Variants in CACNA1B observed in about 807,000 individuals in gnomAD.
CACNA1B encodes voltage-dependent N-type calcium channel subunit alpha-1B.
CACNA1B carries 70 observed loss-of-function variants against 247.2 expected under a neutral mutation model. The observed-to-expected ratio is 0.28, with a 90% CI of 0.23 to 0.35. CACNA1B has a LOEUF of 0.35. Ranked by LOEUF, CACNA1B falls within the 10% of genes least tolerant of loss-of-function variation. The pLI, the probability that CACNA1B is intolerant of heterozygous loss-of-function variation, is 1.00. For synonymous variants in CACNA1B, 1,231 were observed against 1,294.4 expected (o/e 0.95, Z 1.05); for missense variants, 2,367 against 3,197.4 (o/e 0.74, Z 6.26).
chr9:138,097,964 G>C (rs765565367), intron 37 of CACNA1B, among the ~76,000 whole-genome samples: 1 of 152,166 alleles, frequency 6.6e-6, no homozygotes, highest in Non-Finnish European at 1.5e-5. Context: ...GGTGCTGCAC[G>C]GGCCCTTCCC....
At chr9:137,980,936 G>A (rs1025277447) in intron 12 of CACNA1B, among the ~76,000 whole-genome samples, 3 of 152,138 alleles carry the variant, frequency 2.0e-5, no homozygotes, top group Non-Finnish European at 4.4e-5. Context: ...TTGTGTCCCT[G>A]CTGTTGTGAA....
At chr9:138,114,535 G>C (rs76363813) in intron 41 of CACNA1B, 45 bp downstream of exon 41, 2 of 982,852 alleles carry the variant, frequency 2.0e-6, no homozygotes, top group Admixed American at 4.1e-5. Context: ...TGATGCCTCC[G>C]AGGCTCTGGC....
At chr9:137,915,876 C>CT (rs1957404828) in intron 5 of CACNA1B, among the ~76,000 whole-genome samples, 2 of 151,586 alleles carry the variant, frequency 1.3e-5, no homozygotes, top group African/African-American at 2.4e-5. Context: ...TATTCTTAGT[C>CT]TTCTTTACCA....
chr9:137,981,243 T>G (rs1406449469), intron 12 of CACNA1B, among the ~76,000 whole-genome samples: 1 of 152,216 alleles, frequency 6.6e-6, no homozygotes, highest in Non-Finnish European at 1.5e-5. Context: ...TTAGTGGTGT[T>G]GAGCATTTTT....
Position 138,105,758 on chromosome 9 carries a change from C to A in CACNA1B, c.5379C>A (p.Ser1793=). ...AGGACATGACTGTTCACTTCACGTC[C>A]ACGCTGATGGCCCTCATCCGGACGG... ...SNEDMTVHFT[S]TLMALIRTAL... The change falls in exon 39 of 47, where the codon TCC becomes TCA. Residue 1793 remains serine, a synonymous_variant. Coordinates refer to ENST00000371372, the MANE Select transcript of CACNA1B (RefSeq NM_000718.4). The A allele has an allele frequency of 4.5e-6, 7 of 1,568,038 alleles. No individual in the cohort carries two copies. The highest frequency in any genetic ancestry group is 1.2e-5 in the South Asian group (1 of 84,958).
At chr9:137,932,158 T>C (rs555246802) in intron 6 of CACNA1B, among the ~76,000 whole-genome samples, 22 of 152,334 alleles carry the variant, frequency 1.4e-4, no homozygotes, top group Middle Eastern at 3.4e-3. Context: ...CTTTGGGCAG[T>C]GTCTTCTGAG....
At position 138,075,441 on chromosome 9, in the gene CACNA1B, C is replaced by T. The variant is rs369003492; in HGVS notation, c.4858-378C>T. Among the ~76,000 whole-genome samples, 42 of 152,336 alleles carry T rather than the reference C, an allele frequency of 2.8e-4. No homozygotes were observed. In the East Asian group the frequency reaches 7.7e-3, roughly 28 times the overall value. On this transcript the variant is annotated intron_variant, in intron 34 of 46. Transcript: ENST00000371372. ...TACTATTGCATATGTTTTAAGAAGA[C>T]ATTTTCCCATGATCTGTCAGACCTG...
rs1300947365 is a variant in CACNA1B at position 137,888,834 on chromosome 9, C to A, written c.530+5951C>A. On this transcript the variant is annotated intron_variant, in intron 3 of 46. Transcript: ENST00000371372. The surrounding 1 kb of genome is among the most constrained non-coding windows in gnomAD (Gnocchi z 4.7). ...CCGATTCAGATGGTGGCAGGCACTTCTCAGGGAGAAGCCAGGCCCAGCTCA... is the reference window on the plus strand; with the variant it reads ...CCGATTCAGATGGTGGCAGGCACTTATCAGGGAGAAGCCAGGCCCAGCTCA... 5.9e-5 allele frequency among the ~76,000 whole-genome samples: 9 copies of A among 152,246 alleles called. No homozygotes were observed. The highest frequency in any genetic ancestry group is 8.8e-5 in the Non-Finnish European group (6 of 68,030).
At chr9:137,965,232 GT>G (rs2133356617) in intron 10 of CACNA1B, among the ~76,000 whole-genome samples, 1 of 152,372 alleles carries the variant, frequency 6.6e-6, no homozygotes, top group East Asian at 1.9e-4. Flanking sequence ...CAGCTGTGCT[GT>G]TTTGGAGATG....
At chr9:138,093,403 CAAAAAAAAAAAA>C (rs58608297) in intron 36 of CACNA1B, among the ~76,000 whole-genome samples, 7 of 43,256 alleles carry the variant, frequency 1.6e-4, no homozygotes, top group Non-Finnish European at 3.6e-4. Context: ...GACTCTGTCT[CAAAAAAAAAAAA>C]AAAAAAAAAA....
chr9:138,060,276 A>G (rs1439622373), intron 31 of CACNA1B, among the ~76,000 whole-genome samples: 1 of 152,214 alleles, frequency 6.6e-6, no homozygotes, highest in African/African-American at 2.4e-5. Context: ...AGTACAACAC[A>G]TTACACTGGA....
At position 138,078,114 on chromosome 9, in the gene CACNA1B, G is replaced by A. The variant is rs1463151961; in HGVS notation, c.4950G>A (p.Arg1650=). Residue 1650 remains arginine, a splice_region_variant and synonymous_variant, in exon 36 of 47, where the codon AGG becomes AGA. Coordinates refer to ENST00000371372, the MANE Select transcript of CACNA1B (RefSeq NM_000718.4). The stretch of plus-strand genomic sequence containing the variant: ...CTCACAACTCTGCCCTTCTTCTCAG[G>A]AGCGCCACGGGGGAGGCCTGGCACG... ...TFLQALMLLF[R]SATGEAWHEI... 1 of 1,613,452 alleles carries A rather than the reference G, an allele frequency of 6.2e-7. No homozygotes were observed. The highest frequency in any genetic ancestry group is 8.5e-7 in the Non-Finnish European group (1 of 1,179,636).
intron 26 of CACNA1B, among the ~76,000 whole-genome samples, chr9:138,055,948 C>T (rs932189797): frequency 1.3e-5 from 2 of 152,058 alleles, no homozygotes; most frequent in African/African-American, 4.8e-5. Context: ...ATCGCTTGAA[C>T]CTGGAAGGCG....
intron 6 of CACNA1B, among the ~76,000 whole-genome samples, chr9:137,934,028 C>G (rs1957636245): frequency 1.3e-5 from 2 of 152,162 alleles, no homozygotes; most frequent in African/African-American, 4.8e-5. Flanking sequence ...GGAAGTGATT[C>G]CATCCATTTT....
chr9:138,103,102 C>G (rs989825365), intron 38 of CACNA1B, among the ~76,000 whole-genome samples: 5 of 152,224 alleles, frequency 3.3e-5, no homozygotes, highest in African/African-American at 7.2e-5. Context: ...ACCCTCCTCC[C>G]TGCCTTTTCT....
At chr9:137,889,716 G>A (rs1370350377) in intron 3 of CACNA1B, among the ~76,000 whole-genome samples, 33 of 149,234 alleles carry the variant, frequency 2.2e-4, no homozygotes, top group African/African-American at 8.0e-4. Flanking sequence ...CCATGTCCGT[G>A]GGGACAGGCC....
Position 137,973,077 on chromosome 9 carries a change from T to G in CACNA1B, c.1543+1485T>G. 6.6e-6 allele frequency among the ~76,000 whole-genome samples: 1 copy of G among 152,318 alleles called. No homozygotes were observed. The highest frequency in any genetic ancestry group is 1.9e-4 in the East Asian group (1 of 5,180). On this transcript the variant is annotated intron_variant, in intron 11 of 46. Coordinates refer to ENST00000371372, the MANE Select transcript of CACNA1B (RefSeq NM_000718.4). This position sits in a 1 kb window ranked among gnomAD's most constrained non-coding sequence, Gnocchi z 4.1. ...TCTTCCCCGTGAGAGGCTGTTGGTG[T>G]GCAGTGAGTCGGCAGGCAGTGGGGT... is the stretch of plus-strand genomic sequence containing the variant.
rs1288255726 is a variant in CACNA1B, at chr9:138,052,256, G to A, written c.3807+68G>A. ...TGTGCGTGTGTGTGTGTGCGTGTGT[G>A]TGTGTGTATGCATGCAGTGCATGAG... is the stretch of plus-strand genomic sequence containing the variant. On this transcript the variant is annotated intron_variant, in intron 25 of 46. Coordinates refer to ENST00000371372, the MANE Select transcript of CACNA1B (RefSeq NM_000718.4). The surrounding 1 kb of genome is among the most constrained non-coding windows in gnomAD (Gnocchi z 5.1). 4 of 832,308 alleles carry A rather than the reference G, an allele frequency of 4.8e-6. No homozygotes were observed. The highest frequency in any genetic ancestry group is 2.0e-6 in the Non-Finnish European group (1 of 500,224). The allele number at this position is 832,308 out of a possible 1,614,324, so 51.6% of individuals were successfully genotyped here.
rs374886915 is a variant in CACNA1B at position 137,882,365 on chromosome 9, C to G, written c.391-379C>G. Among the ~76,000 whole-genome samples the G allele has an allele frequency of 6.6e-6, 1 of 152,216 alleles. No individual in the cohort carries two copies. Among genetic ancestry groups the G allele is most frequent in the African/African-American group, 2.4e-5 (1 of 41,454 alleles). The stretch of plus-strand genomic sequence containing the variant: ...AAAACTACCTGATAAGCACCCACAA[C>G]TAGTACTGTTACATCACTGTCTTCC... On this transcript the variant is annotated intron_variant, in intron 2 of 46. Transcript: ENST00000371372. This position sits in a 1 kb window ranked among gnomAD's most constrained non-coding sequence, Gnocchi z 4.0.
Sources: gnomAD v4.1 joint callset for allele counts (sites outside exome capture counted in the v4.1 genomes callset) on GRCh38, gnomAD v4.1.1 for gene constraint, Gnocchi (gnomAD v3.1) non-coding constraint, MANE v1.5 for transcripts, NCBI Gene and HGNC (gene_info 2026-07-23, HGNC 2026-07-21) for gene names.